The following CDH4 variants were observed in gnomAD, a reference collection of about 807,000 sequenced individuals.
CDH4 encodes cadherin 4, also known as cadherin-4.
A neutral mutation model predicts 86.0 loss-of-function variants in CDH4; 33 were observed. That is an observed-to-expected ratio of 0.38 (90% CI 0.29 to 0.51). The LOEUF (loss-of-function observed/expected upper bound fraction) is 0.51, where lower values mean the gene tolerates loss of function less well. Among genes scored for constraint, CDH4 ranks in the 20% least tolerant of loss-of-function variants. CDH4 has a pLI of 0.86. For missense variants in CDH4, 1,114 were observed against 1,307.4 expected (o/e 0.85, Z 2.28); for synonymous variants, 555 against 549.4 (o/e 1.01, Z -0.14).
chr20:61,856,987 T>G lies in CDH4; in HGVS notation c.877+4089T>G, dbSNP rs1983043321. ...TTCTCCTCCAAGAGATCCTCTCTGCTGCAGCCACCATGGCCTTGGAGGCCA... is the reference window on the plus strand; with the variant it reads ...TTCTCCTCCAAGAGATCCTCTCTGCGGCAGCCACCATGGCCTTGGAGGCCA... On this transcript the variant is annotated intron_variant, in intron 6 of 15. Transcript: ENST00000614565. Among the ~76,000 whole-genome samples the G allele has an allele frequency of 1.3e-5, 2 of 152,250 alleles. 1 individual carries two copies. Among genetic ancestry groups the G allele is most frequent in the South Asian group, 4.1e-4 (2 of 4,836 alleles).
intron 2 of CDH4, among the ~76,000 whole-genome samples, chr20:61,704,779 C>T (rs1405834129): frequency 6.6e-6 from 1 of 152,172 alleles, no homozygotes; most frequent in Non-Finnish European, 1.5e-5. Context: ...GGTGGCGCCG[C>T]TCTGGGCACC....
intron 2 of CDH4, among the ~76,000 whole-genome samples, chr20:61,380,699 G>A (rs2084895945): frequency 6.6e-6 from 1 of 152,192 alleles, no homozygotes; most frequent in South Asian, 2.1e-4. Flanking sequence ...AAGACCATAT[G>A]AACTGTTAAA....
At chr20:61,365,197 A>C (rs573140156) in intron 2 of CDH4, among the ~76,000 whole-genome samples, 12 of 152,318 alleles carry the variant, frequency 7.9e-5, no homozygotes, top group African/African-American at 2.9e-4. Context: ...GGGGGCAGAA[A>C]TGGTTTCCAT....
chr20:61,573,068 GGATA>G (rs2145708518), intron 2 of CDH4, among the ~76,000 whole-genome samples: 1 of 151,508 alleles, frequency 6.6e-6, no homozygotes, highest in South Asian at 2.1e-4. Context: ...ATGGATGGAT[GGATA>G]GATGGTTGGA....
chr20:61,619,779 G>T (rs2086754818), intron 2 of CDH4, among the ~76,000 whole-genome samples: 1 of 152,252 alleles, frequency 6.6e-6, no homozygotes, highest in African/African-American at 2.4e-5. Context: ...CCGGGTGGGA[G>T]GGCACTCAGG....
In CDH4 at chr20:61,923,636, G is replaced by GC. The variant is rs764543058; in HGVS notation, c.1566dup (p.Gly523ArgfsTer13). ...AGCTGATCCGCCTGGAGGAGGGCGT[G>GC]CCCCCCGGCACCGTGCTGACCACGT... On this transcript the variant is annotated frameshift_variant, in exon 10 of 16. Coordinates refer to ENST00000614565, the MANE Select transcript of CDH4 (RefSeq NM_001794.5). LOFTEE classifies it high-confidence loss of function. 3.1e-6 allele frequency: 5 copies of GC among 1,614,078 alleles called. No homozygotes were observed. Among genetic ancestry groups the GC allele is most frequent in the Non-Finnish European group, 1.7e-6 (2 of 1,180,032 alleles).
intron 2 of CDH4, among the ~76,000 whole-genome samples, chr20:61,378,371 G>A (rs2084883329): frequency 2.0e-5 from 3 of 152,220 alleles, no homozygotes; most frequent in Non-Finnish European, 4.4e-5. Context: ...GGGTGGCTTA[G>A]AACAACAGAA....
chr20:61,784,815 CTCA>C (rs770747687), intron 4 of CDH4, among the ~76,000 whole-genome samples: 5 of 151,776 alleles, frequency 3.3e-5, no homozygotes, highest in Non-Finnish European at 7.4e-5. Context: ...CCCCCGGGGC[CTCA>C]TCAGACATTA....
chr20:61,323,114 C>T lies in CDH4; in HGVS notation c.169+68177C>T, dbSNP rs574429434. Among the ~76,000 whole-genome samples, 24 of 152,266 alleles carry T rather than the reference C, an allele frequency of 1.6e-4. No individual in the cohort carries two copies. The South Asian group carries it at 3.5e-3, about 22-fold the overall frequency. On this transcript the variant is annotated intron_variant, in intron 2 of 15. Coordinates refer to ENST00000614565, the MANE Select transcript of CDH4 (RefSeq NM_001794.5). ...CTCCAAATTTGAGTATTAGGAATGA[C>T]GGTGGCAAGAGGATAGCAAGGAGGC...
At chr20:61,585,982 A>ATGG (rs1568698596) in intron 2 of CDH4, among the ~76,000 whole-genome samples, 2 of 141,004 alleles carry the variant, frequency 1.4e-5, no homozygotes, top group Non-Finnish European at 3.1e-5. Context: ...TGATGTGATG[A>ATGG]TGATGGTGAT....
intron 2 of CDH4, among the ~76,000 whole-genome samples, chr20:61,587,925 G>A (rs57139777): frequency 6.6e-5 from 10 of 151,960 alleles, no homozygotes; most frequent in Non-Finnish European, 1.0e-4. Context: ...TTCTCACCTC[G>A]GAGTCAACCG....
intron 6 of CDH4, among the ~76,000 whole-genome samples, chr20:61,865,941 A>C (rs934284377): frequency 8.5e-5 from 13 of 152,180 alleles, no homozygotes; most frequent in Admixed American, 7.9e-4. Flanking sequence ...AGGTGTGGTC[A>C]GAATTCTATT....
chr20:61,254,634 G>A (rs955250211), intron 1 of CDH4, among the ~76,000 whole-genome samples, 192 bp from the exon 2 acceptor site: 3 of 152,210 alleles, frequency 2.0e-5, no homozygotes, highest in African/African-American at 7.2e-5. Context: ...CTGGTCTGTA[G>A]CCTGGAGAGT....
chr20:61,803,122 G>A (rs1979923718), intron 4 of CDH4, among the ~76,000 whole-genome samples: 1 of 152,334 alleles, frequency 6.6e-6, no homozygotes, highest in Non-Finnish European at 1.5e-5. Context: ...GCAGCGCGGC[G>A]AGTCGCAGCT....
intron 2 of CDH4, among the ~76,000 whole-genome samples, chr20:61,735,164 C>T (rs538424831): frequency 6.6e-6 from 1 of 152,252 alleles, no homozygotes; most frequent in East Asian, 1.9e-4. Context: ...GGGACCCACT[C>T]CAGGGAGATG....
intron 2 of CDH4, among the ~76,000 whole-genome samples, chr20:61,416,880 C>A (rs1372306807): frequency 6.6e-6 from 1 of 152,072 alleles, no homozygotes; most frequent in Non-Finnish European, 1.5e-5. Context: ...GGGGTGAAAT[C>A]TTCGGACAGT....
At chr20:61,749,786 C>A (rs752587016) in intron 3 of CDH4, among the ~76,000 whole-genome samples, 2 of 152,154 alleles carry the variant, frequency 1.3e-5, no homozygotes, top group Non-Finnish European at 2.9e-5. Context: ...ATTGGCTGGG[C>A]GTGGTGGCTC....
In CDH4 at chr20:61,480,274, C is replaced by T. The variant is rs1420775674; in HGVS notation, c.169+225337C>T. On this transcript the variant is annotated intron_variant, in intron 2 of 15. Coordinates refer to ENST00000614565, the MANE Select transcript of CDH4 (RefSeq NM_001794.5). The surrounding 1 kb of genome is among the most constrained non-coding windows in gnomAD (Gnocchi z 5.2). The stretch of plus-strand genomic sequence containing the variant: ...CGTGGTAGCCTGGAAACTCCCCAAG[C>T]GGAAGCCGGGGCAGCTGTGGCGCCC... Among the ~76,000 whole-genome samples, 4 of 152,132 alleles carry T rather than the reference C, an allele frequency of 2.6e-5. No homozygotes were observed. Among genetic ancestry groups the T allele is most frequent in the Non-Finnish European group, 5.9e-5 (4 of 68,026 alleles).
chr20:61,771,932 A>G (rs995179550), intron 3 of CDH4, among the ~76,000 whole-genome samples: 1 of 152,088 alleles, frequency 6.6e-6, no homozygotes, highest in Admixed American at 6.5e-5. Context: ...GAGTTACTGG[A>G]TCAAAAGGGA....
Sources: gnomAD v4.1 joint callset for allele counts (sites outside exome capture counted in the v4.1 genomes callset) on GRCh38, gnomAD v4.1.1 for gene constraint, Gnocchi (gnomAD v3.1) non-coding constraint, MANE v1.5 for transcripts, NCBI Gene and HGNC (gene_info 2026-07-23, HGNC 2026-07-21) for gene names.